NRG1: variants seen among roughly 807,000 people sequenced by gnomAD.
The protein encoded by NRG1 is neuregulin 1.
In NRG1, 18 loss-of-function variants were observed where a neutral mutation model predicts 63.8. That is an observed-to-expected ratio of 0.28 (90% confidence interval 0.19 to 0.42). NRG1 has a LOEUF of 0.42. NRG1 is among the 10% of genes least tolerant of loss of function. The pLI is 1.00. For synonymous variants in NRG1, 302 were observed against 301.3 expected (o/e 1.00, Z -0.02); for missense variants, 762 against 814.7 (o/e 0.94, Z 0.79).
At chr8:32,134,678 C>T (rs1344308563) in intron 1 of NRG1, among the ~76,000 whole-genome samples, 1 of 152,126 alleles carries the variant, frequency 6.6e-6, no homozygotes, top group Non-Finnish European at 1.5e-5. Context: ...TAAGTTCACA[C>T]ATGCAAGATA....
intron 1 of NRG1, among the ~76,000 whole-genome samples, chr8:32,538,407 AC>A (rs1356008588): frequency 1.3e-5 from 2 of 152,120 alleles, no homozygotes; most frequent in Non-Finnish European, 2.9e-5. Flanking sequence ...ACCTTATAAT[AC>A]CCCATGATGG....
chr8:31,640,533 G>A lies in NRG1; in HGVS notation c.37+1102G>A. On this transcript the variant is annotated intron_variant, in intron 1 of 10. Transcript: ENST00000519301. The surrounding 1 kb of genome is among the most constrained non-coding windows in gnomAD (Gnocchi z 6.3). The stretch of plus-strand genomic sequence containing the variant: ...TGAAGAAGGACTCGCTGCTCACCGT[G>A]CGCCTGGGGACCTGGGGCCACCCCG... 1.2e-6 allele frequency: 2 copies of A among 1,611,802 alleles called. No individual in the cohort carries two copies. Among genetic ancestry groups the A allele is most frequent in the Non-Finnish European group, 1.7e-6 (2 of 1,179,454 alleles).
chr8:32,541,429 C>T (rs547263012), intron 1 of NRG1, among the ~76,000 whole-genome samples: 74 of 150,240 alleles, frequency 4.9e-4, no homozygotes, highest in Admixed American at 1.3e-3. Context: ...ATCATGATGA[C>T]ATTATGAAGT....
chr8:32,578,694 T>C (rs1840104886), intron 1 of NRG1, among the ~76,000 whole-genome samples: 1 of 152,212 alleles, frequency 6.6e-6, no homozygotes, highest in East Asian at 1.9e-4. Flanking sequence ...TATTTCAGGA[T>C]GATTTCCCCC....
rs192351438 is a variant in NRG1, at chr8:32,250,241, C to G, written c.38-345587C>G. Among the ~76,000 whole-genome samples, 6 of 152,210 alleles carry G rather than the reference C, an allele frequency of 3.9e-5. No homozygotes were observed. The East Asian group carries it at 9.7e-4, about 25-fold the overall frequency. The stretch of plus-strand genomic sequence containing the variant: ...AAACGGTTGATATAAAGCATCTAGC[C>G]AAGTTCCACTACATTTTAGTCATTC... On this transcript the variant is annotated intron_variant, in intron 1 of 10. Coordinates refer to the NRG1 transcript ENST00000519301.
chr8:32,098,546 A>G (rs1830169844), intron 1 of NRG1: 1 of 152,204 alleles, frequency 6.6e-6, no homozygotes, highest in Non-Finnish European at 1.5e-5. Context: ...ATTAGGTGAA[A>G]TATGACTCCA....
intron 1 of NRG1, among the ~76,000 whole-genome samples, chr8:32,530,349 C>T (rs890402477): frequency 1.1e-4 from 17 of 152,150 alleles, no homozygotes; most frequent in African/African-American, 1.7e-4. Context: ...CCTTGTGATC[C>T]GCCCGCCTCG....
At chr8:32,343,630 T>C (rs1466134011) in intron 1 of NRG1, among the ~76,000 whole-genome samples, 2 of 152,128 alleles carry the variant, frequency 1.3e-5, no homozygotes, top group Non-Finnish European at 2.9e-5. Flanking sequence ...GGGGAGGTGG[T>C]AGTGGTGAAT....
chr8:31,916,114 A>T (rs953245951), intron 1 of NRG1, among the ~76,000 whole-genome samples: 2 of 152,160 alleles, frequency 1.3e-5, no homozygotes, highest in African/African-American at 4.8e-5. Flanking sequence ...CAGGAGATAG[A>T]TTATACTAGA....
chr8:32,539,289 G>T (rs1832340509), intron 1 of NRG1, among the ~76,000 whole-genome samples: 1 of 152,182 alleles, frequency 6.6e-6, no homozygotes. Context: ...ATTAACTCTG[G>T]TAGCAGGAGC....
intron 1 of NRG1, among the ~76,000 whole-genome samples, chr8:31,841,000 C>T (rs975969443): frequency 6.6e-6 from 1 of 152,126 alleles, no homozygotes; most frequent in Non-Finnish European, 1.5e-5. Flanking sequence ...CTGCTCTGTG[C>T]CAGACATTGT....
intron 1 of NRG1, among the ~76,000 whole-genome samples, chr8:31,709,586 G>T (rs1349240393): frequency 6.6e-6 from 1 of 151,988 alleles, no homozygotes; most frequent in Non-Finnish European, 1.5e-5. Flanking sequence ...CAAGGCCAGA[G>T]GTTTCAGAGT....
intron 1 of NRG1, among the ~76,000 whole-genome samples, chr8:31,764,802 A>G (rs900126892): frequency 6.6e-6 from 1 of 151,662 alleles, no homozygotes; most frequent in Non-Finnish European, 1.5e-5. Flanking sequence ...GGTTAGTTAC[A>G]TATGTATACA....
chr8:31,974,611 T>C (rs938171941), intron 1 of NRG1, among the ~76,000 whole-genome samples: 3 of 152,156 alleles, frequency 2.0e-5, no homozygotes, highest in Non-Finnish European at 2.9e-5. Flanking sequence ...ACTACTATGG[T>C]AGGCCTTCAA....
chr8:32,238,322 G>T (rs925351127), intron 1 of NRG1, among the ~76,000 whole-genome samples: 3 of 151,926 alleles, frequency 2.0e-5, no homozygotes, highest in African/African-American at 7.3e-5. Flanking sequence ...AGCTGGGCTT[G>T]GTGACATGCA....
intron 1 of NRG1, among the ~76,000 whole-genome samples, chr8:31,788,504 A>G (rs534755276): frequency 6.6e-6 from 1 of 152,280 alleles, no homozygotes; most frequent in Non-Finnish European, 1.5e-5. Flanking sequence ...TCATGGAAGC[A>G]AAGAACAGTA....
At chr8:31,655,773 A>T (rs1388999837) in intron 1 of NRG1, among the ~76,000 whole-genome samples, 8 of 152,184 alleles carry the variant, frequency 5.3e-5, no homozygotes, top group African/African-American at 1.7e-4. Context: ...GTGTGCCTGG[A>T]CTAGAGTGGG....
chr8:32,489,102 T>C (rs973623372), intron 1 of NRG1, among the ~76,000 whole-genome samples: 72 of 152,294 alleles, frequency 4.7e-4, no homozygotes, highest in African/African-American at 1.5e-3. Context: ...CTTGGGGGTG[T>C]ATATGCTGGC....
At chr8:31,949,312 G>A (rs561696868) in intron 1 of NRG1, among the ~76,000 whole-genome samples, 21 of 152,094 alleles carry the variant, frequency 1.4e-4, no homozygotes, top group East Asian at 7.7e-4. Flanking sequence ...TTCCCCTCTC[G>A]CTGTCTTTTG....
Sources: gnomAD v4.1 joint callset for allele counts (sites outside exome capture counted in the v4.1 genomes callset) on GRCh38, gnomAD v4.1.1 for gene constraint, Gnocchi (gnomAD v3.1) non-coding constraint, MANE v1.5 for transcripts, NCBI Gene and HGNC (gene_info 2026-07-23, HGNC 2026-07-21) for gene names.